Variants in MAGI2 observed in about 807,000 individuals in gnomAD.
The protein encoded by MAGI2 is membrane-associated guanylate kinase, WW and PDZ domain-containing protein 2.
Under a neutral mutation model 133.3 loss-of-function variants are expected in MAGI2, and 35 were observed. The ratio of observed to expected loss-of-function variants is 0.26; its 90% CI spans 0.20 to 0.35. MAGI2 has a LOEUF of 0.35. MAGI2 is among the 10% of genes least tolerant of loss of function. The pLI is 1.00. For synonymous variants in MAGI2, 729 were observed against 710.6 expected (o/e 1.03, Z -0.41); for missense variants, 1,636 against 1,863.4 (o/e 0.88, Z 2.25).
intron 10 of MAGI2, among the ~76,000 whole-genome samples, chr7:78,215,895 G>C (rs775483646): frequency 7.2e-5 from 11 of 152,208 alleles, no homozygotes; most frequent in African/African-American, 2.7e-4. Context: ...TCCAATTGTT[G>C]CAAGACTGGG....
intron 6 of MAGI2, among the ~76,000 whole-genome samples, chr7:78,415,797 A>C (rs190638660): frequency 5.9e-5 from 9 of 152,280 alleles, no homozygotes; most frequent in African/African-American, 2.2e-4. Flanking sequence ...ATATTCTGTC[A>C]GACCTTGAAC....
chr7:78,495,275 C>G (rs1584391833), intron 5 of MAGI2, among the ~76,000 whole-genome samples: 1 of 152,090 alleles, frequency 6.6e-6, no homozygotes, highest in African/African-American at 2.4e-5. Flanking sequence ...CCCCTATCCC[C>G]CAACAGGCCC....
chr7:78,448,231 C>T (rs895098048), intron 6 of MAGI2, among the ~76,000 whole-genome samples: 1 of 151,992 alleles, frequency 6.6e-6, no homozygotes, highest in Non-Finnish European at 1.5e-5. Context: ...AGTGCTGCAG[C>T]GAACATGGAA....
Position 78,402,846 on chromosome 7 carries a change from T to C in MAGI2, c.1046-33633A>G, listed in dbSNP as rs528890114. Among the ~76,000 whole-genome samples the C allele has an allele frequency of 1.2e-4, 19 of 152,278 alleles. No individual in the cohort carries two copies. In the South Asian group the frequency reaches 3.7e-3, roughly 30 times the overall value. On this transcript the variant is annotated intron_variant, in intron 6 of 21. Transcript: ENST00000354212. ...TAAGTATATTGGTATACACAACATA[T>C]GAAAAATTTCATGCAAATATGTAAT...
chr7:78,897,727 G>A (rs1214775653), intron 2 of MAGI2, among the ~76,000 whole-genome samples: 1 of 152,074 alleles, frequency 6.6e-6, no homozygotes, highest in Non-Finnish European at 1.5e-5. Flanking sequence ...TGTGCAGTAT[G>A]GCTATTTTAA....
chr7:79,279,366 A>G (rs553895146), intron 1 of MAGI2, among the ~76,000 whole-genome samples: 34 of 152,172 alleles, frequency 2.2e-4, no homozygotes, highest in African/African-American at 8.2e-4. Flanking sequence ...CATCACCCAA[A>G]ATGACAATCA....
intron 2 of MAGI2, among the ~76,000 whole-genome samples, chr7:78,978,234 C>T (rs1406348555): frequency 6.6e-6 from 1 of 151,892 alleles, no homozygotes; most frequent in Admixed American, 6.6e-5. Context: ...TTTATGGCAG[C>T]CCTATCACAA....
chr7:78,071,060 G>C (rs894015102), intron 21 of MAGI2, among the ~76,000 whole-genome samples: 2 of 152,094 alleles, frequency 1.3e-5, no homozygotes, highest in African/African-American at 4.8e-5. Context: ...TCCTTAAAAA[G>C]AAAAATGCTT....
At chr7:78,262,561 G>T (rs1457267079) in intron 9 of MAGI2, among the ~76,000 whole-genome samples, 1 of 152,134 alleles carries the variant, frequency 6.6e-6, no homozygotes, top group African/African-American at 2.4e-5. Flanking sequence ...GGCTCTCAGA[G>T]CACTGACTTA....
At chr7:78,419,179 C>T (rs567945939) in intron 6 of MAGI2, among the ~76,000 whole-genome samples, 16 of 152,162 alleles carry the variant, frequency 1.1e-4, no homozygotes, top group Admixed American at 8.5e-4. Flanking sequence ...AAAAGAATTC[C>T]AGATTAGTCC....
intron 2 of MAGI2, among the ~76,000 whole-genome samples, chr7:78,867,808 C>T (rs1794705088): frequency 6.6e-6 from 1 of 151,548 alleles, no homozygotes; most frequent in Non-Finnish European, 1.5e-5. Flanking sequence ...AGACCGTAGC[C>T]CTTGGGATGC....
At chr7:78,679,144 C>T (rs1255891813) in intron 2 of MAGI2, among the ~76,000 whole-genome samples, 1 of 152,156 alleles carries the variant, frequency 6.6e-6, no homozygotes, top group Non-Finnish European at 1.5e-5. Flanking sequence ...TTTTCAAATT[C>T]CAGCTCAGAT....
chr7:79,203,141 G>T (rs1207669899), intron 1 of MAGI2, among the ~76,000 whole-genome samples: 1 of 151,660 alleles, frequency 6.6e-6, no homozygotes, highest in Admixed American at 6.6e-5. Context: ...CTAACTTCTC[G>T]ATTTCTCATC....
At chr7:78,663,356 G>C (rs575861282) in intron 2 of MAGI2, among the ~76,000 whole-genome samples, 14 of 151,852 alleles carry the variant, frequency 9.2e-5, no homozygotes, top group Non-Finnish European at 1.9e-4. Flanking sequence ...ATAGGCACGC[G>C]CTACCACACA....
chr7:79,202,887 C>T lies in MAGI2; in HGVS notation c.302-195681G>A, dbSNP rs563923274. On this transcript the variant is annotated intron_variant, in intron 1 of 21. Transcript: ENST00000354212. ...GTGTGCATTTCCAGCTCTGAGTGCT[C>T]CCCTGAGTTCCCCTGACTCAAAAAT... is the stretch of plus-strand genomic sequence containing the variant. Among the ~76,000 whole-genome samples, 10 of 152,006 alleles carry T rather than the reference C, an allele frequency of 6.6e-5. No homozygotes were observed. In the East Asian group the frequency reaches 1.9e-3, roughly 29 times the overall value.
At chr7:79,409,957 ATACT>A (rs1416393259) in intron 1 of MAGI2, 1 of 152,178 alleles carries the variant, frequency 6.6e-6, no homozygotes, top group Non-Finnish European at 1.5e-5. Flanking sequence ...TATAAAATAC[ATACT>A]TTCTTTTTGT....
At chr7:78,795,986 A>T (rs1251770360) in intron 2 of MAGI2, among the ~76,000 whole-genome samples, 1 of 152,192 alleles carries the variant, frequency 6.6e-6, no homozygotes, top group African/African-American at 2.4e-5. Flanking sequence ...AATCAACTGC[A>T]AATGAAATAC....
At chr7:78,034,445 G>A (rs28653308) in intron 21 of MAGI2, among the ~76,000 whole-genome samples, 26,560 of 152,144 alleles carry the variant, frequency 0.17, 2,457 homozygotes, top group South Asian at 0.26. Flanking sequence ...ATTCTTTCAA[G>A]TGGTCCCTTC....
intron 20 of MAGI2, among the ~76,000 whole-genome samples, chr7:78,117,441 G>A (rs1430202529): frequency 2.6e-5 from 4 of 151,960 alleles, no homozygotes; most frequent in Non-Finnish European, 5.9e-5. Context: ...AGATGGTATT[G>A]TCTATGGATG....
Sources: gnomAD v4.1 joint callset for allele counts (sites outside exome capture counted in the v4.1 genomes callset) on GRCh38, gnomAD v4.1.1 for gene constraint, MANE v1.5 for transcripts, NCBI Gene and HGNC (gene_info 2026-07-23, HGNC 2026-07-21) for gene names.